RIMS1: variants seen among roughly 807,000 people sequenced by gnomAD.
The protein encoded by RIMS1 is regulating synaptic membrane exocytosis 1, also known as regulating synaptic membrane exocytosis protein 1.
In RIMS1, 83 loss-of-function variants were observed where a neutral mutation model predicts 214.1. That is an observed-to-expected ratio of 0.39 (90% CI 0.32 to 0.47). The LOEUF is 0.47. Among genes scored for constraint, RIMS1 ranks in the 20% least tolerant of loss-of-function variants. The probability of loss-of-function intolerance (pLI) is 0.99; values close to 1 mark genes in which losing one functional copy is unlikely to be tolerated. For missense variants in RIMS1, 2,050 were observed against 2,161.8 expected (o/e 0.95, Z 1.03); for synonymous variants, 793 against 786.8 (o/e 1.01, Z -0.13).
chr6:71,892,875 T>C (rs528782956), intron 1 of RIMS1, among the ~76,000 whole-genome samples: 4 of 152,264 alleles, frequency 2.6e-5, no homozygotes, highest in Admixed American at 2.6e-4. Flanking sequence ...AGGTGAGTGC[T>C]GGATAGTTGG....
intron 6 of RIMS1, among the ~76,000 whole-genome samples, chr6:72,197,420 C>CA: frequency 6.6e-6 from 1 of 152,046 alleles, no homozygotes; most frequent in Non-Finnish European, 1.5e-5. Flanking sequence ...ACAAACAGAA[C>CA]AAAATGCCAC....
chr6:72,313,353 A>G lies in RIMS1; in HGVS notation c.3964-153A>G, dbSNP rs75894500. 6.8e-3 allele frequency among the ~76,000 whole-genome samples: 1,035 copies of G among 152,286 alleles called. 7 individuals are homozygous for G. Among genetic ancestry groups the G allele is most frequent in the African/African-American group, 0.022 (924 of 41,576 alleles). On this transcript the variant is annotated intron_variant, in intron 27 of 33. Transcript: ENST00000521978. ...GGATAATGTTTTTATATTGGAAATC[A>G]TATGGTAGTATTTGGATTATTTTAG...
intron 1 of RIMS1, among the ~76,000 whole-genome samples, chr6:71,924,529 C>G (rs556945322): frequency 3.3e-5 from 5 of 150,974 alleles, no homozygotes; most frequent in Non-Finnish European, 7.4e-5. Context: ...CGTGGTGGCT[C>G]ACGCTTGTAA....
intron 1 of RIMS1, among the ~76,000 whole-genome samples, chr6:71,919,463 T>C (rs1007033597): frequency 5.7e-5 from 7 of 123,192 alleles, no homozygotes; most frequent in African/African-American, 1.8e-4. Flanking sequence ...CATATTGAAA[T>C]GCCAGCTGGC....
chr6:71,926,654 C>G (rs1781661153), intron 1 of RIMS1, among the ~76,000 whole-genome samples: 2 of 152,072 alleles, frequency 1.3e-5, no homozygotes, highest in African/African-American at 2.4e-5. Context: ...TGATACCCGT[C>G]AATTAAGTTA....
chr6:71,923,185 A>T (rs1780536249), intron 1 of RIMS1, among the ~76,000 whole-genome samples: 1 of 152,220 alleles, frequency 6.6e-6, no homozygotes, highest in African/African-American at 2.4e-5. Flanking sequence ...TATTTAAAAC[A>T]GTTTCTAAAC....
intron 9 of RIMS1, among the ~76,000 whole-genome samples, chr6:72,240,105 C>T (rs1396073528): frequency 1.3e-5 from 2 of 151,970 alleles, no homozygotes; most frequent in Non-Finnish European, 2.9e-5. Flanking sequence ...TTCTTCATGA[C>T]CAAATTTAAA....
chr6:72,281,253 T>C (rs2089986466), intron 23 of RIMS1, among the ~76,000 whole-genome samples: 1 of 152,144 alleles, frequency 6.6e-6, no homozygotes, highest in Non-Finnish European at 1.5e-5. Context: ...TACCTACCTC[T>C]GGATTGGAAA....
chr6:72,031,416 C>T (rs1395683174), intron 2 of RIMS1, among the ~76,000 whole-genome samples: 2 of 152,098 alleles, frequency 1.3e-5, no homozygotes, highest in African/African-American at 2.4e-5. Flanking sequence ...CTTAGAATAG[C>T]AGTTTATGCT....
intron 2 of RIMS1, among the ~76,000 whole-genome samples, chr6:72,084,410 C>G (rs549767741): frequency 8.6e-4 from 131 of 152,208 alleles, no homozygotes; most frequent in African/African-American, 2.6e-3. Context: ...AATGAGATAA[C>G]TTGTTTGTCA....
At chr6:72,054,864 G>A (rs566142801) in intron 2 of RIMS1, among the ~76,000 whole-genome samples, 44 of 152,010 alleles carry the variant, frequency 2.9e-4, no homozygotes, top group South Asian at 1.0e-3. Context: ...ATGTTCTCCC[G>A]TTCTGTAGGT....
intron 23 of RIMS1, among the ~76,000 whole-genome samples, chr6:72,276,560 A>T (rs2086531692): frequency 6.6e-6 from 1 of 152,004 alleles, no homozygotes; most frequent in Non-Finnish European, 1.5e-5. Context: ...AAAATAAATT[A>T]TTATTAAATA....
At chr6:72,289,312 C>T (rs1359110563) in intron 24 of RIMS1, among the ~76,000 whole-genome samples, 2 of 152,116 alleles carry the variant, frequency 1.3e-5, no homozygotes, top group African/African-American at 4.8e-5. Context: ...ATAAAACTCT[C>T]ATCACTGGAA....
intron 2 of RIMS1, among the ~76,000 whole-genome samples, chr6:72,073,342 T>G (rs1352923036): frequency 4.6e-5 from 7 of 152,156 alleles, no homozygotes; most frequent in African/African-American, 1.7e-4. Context: ...AGCTAAACAC[T>G]TATCTCAACG....
In RIMS1 at chr6:71,972,129, CAAG is replaced by C. The variant is rs551589189; in HGVS notation, c.245+3070_245+3072del. 1.7e-4 allele frequency among the ~76,000 whole-genome samples: 26 copies of C among 152,180 alleles called. No homozygotes were observed. In the South Asian group the frequency reaches 4.6e-3, roughly 27 times the overall value. On this transcript the variant is annotated intron_variant, in intron 2 of 33. Transcript: ENST00000521978. ...AAGTATGAGGGTCCCCCAACTCAGC[CAAG>C]AAGTAGTAAAGAACCAGAAGCCAAG...
At chr6:72,197,573 T>C (rs2051194755) in intron 6 of RIMS1, among the ~76,000 whole-genome samples, 1 of 152,024 alleles carries the variant, frequency 6.6e-6, no homozygotes, top group Non-Finnish European at 1.5e-5. Flanking sequence ...AAGAGAAAGC[T>C]CTGGGTACCA....
intron 28 of RIMS1, among the ~76,000 whole-genome samples, chr6:72,331,454 G>A (rs916318146): frequency 2.6e-5 from 4 of 151,806 alleles, no homozygotes; most frequent in Admixed American, 6.6e-5. Context: ...GTAGGCATTC[G>A]ATTGAGCATG....
chr6:72,139,546 GA>G (rs2041830989), intron 4 of RIMS1, among the ~76,000 whole-genome samples: 1 of 152,044 alleles, frequency 6.6e-6, no homozygotes, highest in Admixed American at 6.6e-5. Context: ...CTTCCCACTA[GA>G]TTATAAGCTT....
intron 24 of RIMS1, among the ~76,000 whole-genome samples, chr6:72,290,330 C>T (rs183922978): frequency 1.2e-3 from 179 of 152,236 alleles, no homozygotes; most frequent in Middle Eastern, 3.4e-3. Flanking sequence ...CTTTATTGAG[C>T]TCTTGCTATC....
Sources: allele counts gnomAD v4.1 joint callset (sites outside exome capture counted in the v4.1 genomes callset), GRCh38; gene constraint gnomAD v4.1.1; transcripts MANE v1.5; gene names NCBI Gene and HGNC (gene_info 2026-07-23, HGNC 2026-07-21).